Variants in CADPS observed in about 807,000 individuals in gnomAD.
The protein encoded by CADPS is calcium-dependent secretion activator 1.
CADPS carries 57 observed loss-of-function variants against 167.3 expected under a neutral mutation model. The ratio of observed to expected loss-of-function variants is 0.34; its 90% CI spans 0.28 to 0.42. The LOEUF (loss-of-function observed/expected upper bound fraction) is 0.42, where lower values mean the gene tolerates loss of function less well. Ranked by LOEUF, CADPS falls within the 20% of genes least tolerant of loss-of-function variation. CADPS has a pLI of 1.00. For missense variants in CADPS, 1,414 were observed against 1,738.1 expected, an observed-to-expected ratio of 0.81 and a Z score of 3.32; for synonymous variants, 676 against 635.3, an observed-to-expected ratio of 1.06 and a Z score of -0.96.
chr3:62,405,540 AAAAAAT>A (rs1343294192), intron 28 of CADPS, among the ~76,000 whole-genome samples: 1 of 152,096 alleles, frequency 6.6e-6, no homozygotes, highest in Non-Finnish European at 1.5e-5. Context: ...TTCTAGTAGT[AAAAAAT>A]AAAAATAAAA....
At chr3:62,597,786 C>T (rs1008690659) in intron 6 of CADPS, among the ~76,000 whole-genome samples, 2 of 152,138 alleles carry the variant, frequency 1.3e-5, no homozygotes, top group African/African-American at 4.8e-5. Context: ...GTGCTTCCCA[C>T]CATGACCCTT....
chr3:62,813,100 T>G (rs1361889939), intron 1 of CADPS, among the ~76,000 whole-genome samples: 1 of 151,916 alleles, frequency 6.6e-6, no homozygotes, highest in Non-Finnish European at 1.5e-5. Context: ...TTTTACAGAA[T>G]TAAAAAAAAA....
At chr3:62,826,482 G>A (rs1171550735) in intron 1 of CADPS, among the ~76,000 whole-genome samples, 1 of 152,142 alleles carries the variant, frequency 6.6e-6, no homozygotes, top group African/African-American at 2.4e-5. Context: ...ACAACTGTAT[G>A]TAAATGTACA....
At chr3:62,615,156 T>C (rs1300968922) in intron 6 of CADPS, among the ~76,000 whole-genome samples, 1 of 152,054 alleles carries the variant, frequency 6.6e-6, no homozygotes, top group South Asian at 2.1e-4. Flanking sequence ...TGAAAGAGAT[T>C]TTCAGGCTCC....
chr3:62,673,841 G>A (rs188239098), intron 3 of CADPS, among the ~76,000 whole-genome samples: 8 of 152,206 alleles, frequency 5.3e-5, no homozygotes, highest in African/African-American at 1.4e-4. Context: ...ATGCCTTTTT[G>A]TACTGTTAAA....
At chr3:62,833,727 T>C (rs890685596) in intron 1 of CADPS, among the ~76,000 whole-genome samples, 1 of 152,078 alleles carries the variant, frequency 6.6e-6, no homozygotes, top group Admixed American at 6.5e-5. Flanking sequence ...ACAGAGAAGC[T>C]GGTGCTGAAC....
chr3:62,455,161 C>G lies in CADPS; in HGVS notation c.3637-9364G>C. Among the ~76,000 whole-genome samples, 1 of 126,248 alleles carries G rather than the reference C, an allele frequency of 7.9e-6. No homozygotes were observed. The allele number at this position is 126,248 out of a possible 152,430, so 82.8% of individuals were successfully genotyped here. ...ACCCCCTGGGGCTTCTGAACAGATGCCTGATTGAAGTAGACCTGTTTTTCC... is the reference window on the plus strand; with the variant it reads ...ACCCCCTGGGGCTTCTGAACAGATGGCTGATTGAAGTAGACCTGTTTTTCC... On this transcript the variant is annotated intron_variant, in intron 26 of 29. Transcript: ENST00000383710. This position sits in a 1 kb window ranked among gnomAD's most constrained non-coding sequence, Gnocchi z 4.4.
intron 4 of CADPS, 136 bp downstream of exon 4, chr3:62,662,178 C>T: frequency 2.7e-6 from 2 of 742,792 alleles, no homozygotes; most frequent in Non-Finnish European, 4.7e-6. Context: ...GGCTGAGGGC[C>T]CAATGAGGGT....
chr3:62,445,637 C>A, intron 27 of CADPS, 128 bp downstream of exon 27: 1 of 557,790 alleles, frequency 1.8e-6, no homozygotes, highest in Non-Finnish European at 2.9e-6. Context: ...TCCAAGTCAG[C>A]AACACACAGT....
chr3:62,449,663 C>T (rs2057754800), intron 26 of CADPS, among the ~76,000 whole-genome samples: 2 of 150,606 alleles, frequency 1.3e-5, no homozygotes, highest in South Asian at 4.2e-4. Flanking sequence ...ACAGCCCTTA[C>T]CATCTACACA....
At position 62,850,120 on chromosome 3, in the gene CADPS, G is replaced by C. The variant is rs1409631882; in HGVS notation, c.441+24469C>G. Among the ~76,000 whole-genome samples the C allele has an allele frequency of 1.9e-4, 20 of 106,118 alleles. 2 individuals carry two copies. The highest frequency in any genetic ancestry group is 2.3e-4 in the African/African-American group (7 of 29,800). 69.6% of individuals were successfully genotyped at this position (106,118 alleles called of 152,430 possible). A position where few individuals can be genotyped will look rare whatever the true frequency, so the allele number is the denominator to read the frequency against. Reference sequence around the variant, plus strand: ...TTTGTATTTCTGTGGGATCGGTGGTGGTATCCCCTTTATCATTTTTTATCG... The same window carrying C: ...TTTGTATTTCTGTGGGATCGGTGGTCGTATCCCCTTTATCATTTTTTATCG... On this transcript the variant is annotated intron_variant, in intron 1 of 29. Transcript: ENST00000383710.
At chr3:62,566,463 C>CTTT (rs1353105156) in intron 9 of CADPS, among the ~76,000 whole-genome samples, 3 of 152,144 alleles carry the variant, frequency 2.0e-5, no homozygotes, top group Non-Finnish European at 4.4e-5. Context: ...CTGAATTGGA[C>CTTT]CAGCACTGGT....
intron 3 of CADPS, among the ~76,000 whole-genome samples, chr3:62,664,919 C>T (rs943154777): frequency 6.6e-6 from 1 of 152,152 alleles, no homozygotes; most frequent in Admixed American, 6.5e-5. Flanking sequence ...TTCTTTTATT[C>T]ATTACTTCAC....
At chr3:62,409,964 G>C (rs2149218970) in intron 28 of CADPS, among the ~76,000 whole-genome samples, 1 of 152,264 alleles carries the variant, frequency 6.6e-6, no homozygotes, top group Middle Eastern at 3.4e-3. Context: ...TTCTTCCTGT[G>C]TTGCTTTTTT....
At chr3:62,763,281 G>T (rs2085985045) in intron 2 of CADPS, among the ~76,000 whole-genome samples, 1 of 152,140 alleles carries the variant, frequency 6.6e-6, no homozygotes, top group Non-Finnish European at 1.5e-5. Context: ...CTTTGCTCCT[G>T]GAGGTGCTAA....
chr3:62,509,569 C>T (rs144065425), intron 17 of CADPS, among the ~76,000 whole-genome samples: 3 of 152,228 alleles, frequency 2.0e-5, no homozygotes, highest in East Asian at 3.9e-4. Context: ...AAAACCTCAA[C>T]ATCACACAAT....
intron 1 of CADPS, among the ~76,000 whole-genome samples, chr3:62,830,230 G>A (rs1308095015): frequency 6.6e-6 from 1 of 152,148 alleles, no homozygotes; most frequent in African/African-American, 2.4e-5. Flanking sequence ...TCCAACTAGT[G>A]CTCATCTTTG....
chr3:62,511,848 C>T (rs1290098256), intron 17 of CADPS, among the ~76,000 whole-genome samples: 2 of 152,138 alleles, frequency 1.3e-5, no homozygotes, highest in African/African-American at 2.4e-5. Context: ...TGGCTTTTAA[C>T]ACTGTACCTG....
intron 6 of CADPS, among the ~76,000 whole-genome samples, chr3:62,595,809 G>C (rs2058825843): frequency 6.6e-6 from 1 of 152,068 alleles, no homozygotes; most frequent in Non-Finnish European, 1.5e-5. Flanking sequence ...GCTGGCAAAG[G>C]CAGATCCACC....
Sources: gnomAD v4.1 joint callset for allele counts (sites outside exome capture counted in the v4.1 genomes callset) on GRCh38, gnomAD v4.1.1 for gene constraint, Gnocchi (gnomAD v3.1) non-coding constraint, MANE v1.5 for transcripts, NCBI Gene and HGNC (gene_info 2026-07-23, HGNC 2026-07-21) for gene names.